Variants in FGD5 observed in about 807,000 individuals in gnomAD.
FGD5 encodes FYVE, RhoGEF and PH domain-containing protein 5.
In FGD5, 28 loss-of-function variants were observed where a neutral mutation model predicts 133.4. The observed-to-expected ratio is 0.21, with a 90% CI of 0.16 to 0.29. FGD5 has a LOEUF of 0.29. Ranked by LOEUF, FGD5 falls within the 10% of genes least tolerant of loss-of-function variation. The probability of loss-of-function intolerance (pLI) is 1.00; values close to 1 mark genes in which losing one functional copy is unlikely to be tolerated. For synonymous variants in FGD5, 810 were observed against 776.5 expected, an observed-to-expected ratio of 1.04 and a Z score of -0.72; for missense variants, 1,858 against 1,895.2, an observed-to-expected ratio of 0.98 and a Z score of 0.36.
chr3:14,880,739 C>T lies in FGD5; in HGVS notation c.2718-3C>T, dbSNP rs1226156272. The T allele has an allele frequency of 1.2e-6, 2 of 1,614,022 alleles. No homozygotes were observed. Among genetic ancestry groups the T allele is most frequent in the Admixed American group, 3.3e-5 (2 of 60,030 alleles). On this transcript the variant is annotated splice_polypyrimidine_tract_variant and splice_region_variant and intron_variant, in intron 3 of 19. Transcript: ENST00000285046. ...GCAGCCTCAACCCTCTTTCCCTCTG[C>T]AGATACGTGGAGATGCTCCAGCACT...
Position 14,819,747 on chromosome 3 carries a change from C to G in FGD5, c.676C>G (p.Pro226Ala), listed in dbSNP as rs2036443637. The G allele has an allele frequency of 6.5e-7, 1 of 1,536,930 alleles. No homozygotes were observed. Among genetic ancestry groups the G allele is most frequent in the Admixed American group, 2.0e-5 (1 of 49,694 alleles). ...TGAGGAAGGCTGTGCCAGCACAGACCCAGCAGGGGCAGATGAGGGTTCGGG... is the reference window on the plus strand; with the variant it reads ...TGAGGAAGGCTGTGCCAGCACAGACGCAGCAGGGGCAGATGAGGGTTCGGG... ...DDEEGCASTD[P>A]AGADEGSGPD... Residue 226 changes from proline (P) to alanine (A), a missense_variant, in exon 1 of 20, where the codon CCA (proline) becomes GCA (alanine). Pro to Ala is a conservative substitution (Grantham distance 27, BLOSUM62 -1). This residue lies in a region of FGD5 where 1,824 missense variants were observed against 1,848.9 expected (regional missense o/e 0.99). Transcript: ENST00000285046. This position sits in a 1 kb window ranked among gnomAD's most constrained non-coding sequence, Gnocchi z 4.1.
chr3:14,811,014 C>A, intron 1 of FGD5: 2 of 670,120 alleles, frequency 3.0e-6, no homozygotes, highest in East Asian at 1.4e-4. Context: ...AAAGCATGCG[C>A]GGCTCCGGGG....
intron 17 of FGD5, among the ~76,000 whole-genome samples, chr3:14,924,348 C>T (rs1176731552): frequency 6.6e-6 from 1 of 152,108 alleles, no homozygotes; most frequent in African/African-American, 2.4e-5. Context: ...CTACCTCTCC[C>T]CTCCTCCTCT....
Position 14,934,277 on chromosome 3 carries a change from C to T in FGD5, c.*1110C>T, listed in dbSNP as rs1157859183. 2 of 152,146 alleles carry T rather than the reference C, an allele frequency of 1.3e-5. No individual in the cohort carries two copies. Among genetic ancestry groups the T allele is most frequent in the African/African-American group, 4.8e-5 (2 of 41,440 alleles). 9.4% of individuals were successfully genotyped at this position (152,146 alleles called of 1,614,324 possible). A position where few individuals can be genotyped will look rare whatever the true frequency, so the allele number is the denominator to read the frequency against. ...ATGGGCACTTGGGGCTAAATCGCCTCCTGAGGGTGACTGTTGCTTATTCTG... is the reference window on the plus strand; with the variant it reads ...ATGGGCACTTGGGGCTAAATCGCCTTCTGAGGGTGACTGTTGCTTATTCTG... On this transcript the variant is annotated 3_prime_UTR_variant, in exon 20 of 20. Coordinates refer to ENST00000285046, the MANE Select transcript of FGD5 (RefSeq NM_152536.4).
intron 9 of FGD5, among the ~76,000 whole-genome samples, chr3:14,906,824 C>G (rs1243365233): frequency 6.6e-6 from 1 of 152,232 alleles, no homozygotes; most frequent in African/African-American, 2.4e-5. Flanking sequence ...ACCCAGTTCA[C>G]TCGGTTGCCT....
chr3:14,890,539 C>T (rs889451973), intron 4 of FGD5, among the ~76,000 whole-genome samples: 7 of 152,288 alleles, frequency 4.6e-5, no homozygotes, highest in African/African-American at 1.2e-4. Context: ...ATGATGGGCC[C>T]AAGTTGATGA....
At chr3:14,858,378 G>GATGA (rs2037329066) in intron 1 of FGD5, among the ~76,000 whole-genome samples, 1 of 151,922 alleles carries the variant, frequency 6.6e-6, no homozygotes, top group Non-Finnish European at 1.5e-5. Flanking sequence ...TGGATGGATG[G>GATGA]ATGGATGGAT....
intron 9 of FGD5, among the ~76,000 whole-genome samples, chr3:14,901,362 G>A (rs147598018): frequency 2.6e-5 from 4 of 152,342 alleles, no homozygotes; most frequent in East Asian, 3.9e-4. Flanking sequence ...CTGGGCACAC[G>A]TTGGATCCTC....
At chr3:14,889,160 A>G (rs1992003) in intron 4 of FGD5, among the ~76,000 whole-genome samples, 106,989 of 152,026 alleles carry the variant, frequency 0.7, 37,770 homozygotes, top group Non-Finnish European at 0.73. Context: ...GAGGTGAAAA[A>G]AATGGGGAGC....
At chr3:14,926,020 C>T in intron 17 of FGD5, 50 bp from the exon 18 acceptor site, 3 of 1,606,788 alleles carry the variant, frequency 1.9e-6, no homozygotes, top group Non-Finnish European at 1.7e-6. Context: ...TCTGTTTGAA[C>T]TGTGCCTGAC....
rs141881582 is a variant in FGD5 at position 14,831,055 on chromosome 3, G to A, written c.2525+9459G>A. ...GGCTTCTCTGAAGAGGTGAACTTGA[G>A]TGAAACGTGAAGGATGATCAGACAT... is the stretch of plus-strand genomic sequence containing the variant. On this transcript the variant is annotated intron_variant, in intron 1 of 19. Transcript: ENST00000285046. Among the ~76,000 whole-genome samples, 38 of 152,330 alleles carry A rather than the reference G, an allele frequency of 2.5e-4. 1 individual carries two copies. The highest frequency in any genetic ancestry group is 8.9e-4 in the African/African-American group (37 of 41,566).
intron 11 of FGD5, among the ~76,000 whole-genome samples, chr3:14,916,960 T>G (rs1328291753): frequency 6.6e-6 from 1 of 152,234 alleles, no homozygotes; most frequent in Non-Finnish European, 1.5e-5. Context: ...CACCTGCAGA[T>G]AGACATTGGA....
intron 11 of FGD5, among the ~76,000 whole-genome samples, chr3:14,912,817 A>AC (rs1265622983): frequency 7.2e-5 from 11 of 152,164 alleles, no homozygotes; most frequent in Admixed American, 3.9e-4. Context: ...CAGGCGGGTC[A>AC]CAAGGTCTGG....
chr3:14,904,395 A>G (rs1038002641), intron 9 of FGD5, among the ~76,000 whole-genome samples: 1 of 152,104 alleles, frequency 6.6e-6, no homozygotes, highest in African/African-American at 2.4e-5. Flanking sequence ...TTATAATCCA[A>G]CACTTCCTTA....
rs375934490 is a variant in FGD5, at chr3:14,932,596, G to A, written c.4217G>A (p.Ser1406Asn). ...MASEDKVALE[S>N]MPLLGFTIAP... Reference sequence around the variant, plus strand: ...CTGCAGGACAAAGTGGCCTTGGAGAGTATGCCTCTGCTAGGCTTCACCATT... The same window carrying A: ...CTGCAGGACAAAGTGGCCTTGGAGAATATGCCTCTGCTAGGCTTCACCATT... Residue 1406 changes from serine (S) to asparagine (N), a missense_variant, in exon 19 of 20, where the codon AGT (serine) becomes AAT (asparagine). Ser to Asn is a conservative substitution (Grantham distance 46). Around this residue, in one of 3 missense-constraint regions of FGD5, gnomAD observed 1,824 missense variants for 1,848.9 expected, o/e 0.99. Transcript: ENST00000285046. 3 of 1,613,804 alleles carry A rather than the reference G, an allele frequency of 1.9e-6. No homozygotes were observed. Among genetic ancestry groups the A allele is most frequent in the Non-Finnish European group, 8.5e-7 (1 of 1,179,772 alleles).
At chr3:14,815,741 A>C (rs1361192154), upstream of FGD5, among the ~76,000 whole-genome samples, 2 of 152,122 alleles carry the variant, frequency 1.3e-5, no homozygotes. Flanking sequence ...GCTTCACCAG[A>C]TGCTGGGACC....
intron 1 of FGD5, among the ~76,000 whole-genome samples, chr3:14,835,957 G>A (rs1030812500): frequency 6.6e-6 from 1 of 152,234 alleles, no homozygotes; most frequent in Non-Finnish European, 1.5e-5. Flanking sequence ...GCCTCTGAAA[G>A]ACTGAGGGTC....
intron 4 of FGD5, among the ~76,000 whole-genome samples, chr3:14,894,522 T>TA (rs2038095320): frequency 1.0e-5 from 1 of 97,908 alleles, no homozygotes; most frequent in African/African-American, 3.9e-5. Context: ...TTTTTTTTTT[T>TA]TTTCCTTTTT....
In FGD5 at chr3:14,923,089, A is replaced by C. The variant is rs1168454373; in HGVS notation, c.3851A>C (p.Tyr1284Ser). Reference protein sequence around the residue: ...NCSRNKYPLKYLKDRMAKVCD... With the variant: ...NCSRNKYPLKSLKDRMAKVCD... Reference sequence around the variant, plus strand: ...TCGCGGAACAAGTACCCGCTGAAGTACCTGAAGGACAGGATGGCCAAGGTC... The same window carrying C: ...TCGCGGAACAAGTACCCGCTGAAGTCCCTGAAGGACAGGATGGCCAAGGTC... Residue 1284 changes from tyrosine to serine, a missense_variant, in exon 16 of 20, where the codon TAC becomes TCC. By Grantham distance (144) the Tyr-to-Ser change is moderately radical (BLOSUM62 -2). This residue lies in a region of FGD5 where 1,824 missense variants were observed against 1,848.9 expected (regional missense o/e 0.99). Coordinates refer to ENST00000285046, the MANE Select transcript of FGD5 (RefSeq NM_152536.4). 6.2e-7 allele frequency: 1 copy of C among 1,613,864 alleles called. No individual in the cohort carries two copies. Among genetic ancestry groups the C allele is most frequent in the South Asian group, 1.1e-5 (1 of 91,066 alleles).
Sources: allele counts gnomAD v4.1 joint callset (sites outside exome capture counted in the v4.1 genomes callset), GRCh38; gene constraint gnomAD v4.1.1; regional missense constraint gnomAD v4.1.1; non-coding constraint Gnocchi (gnomAD v3.1); transcripts MANE v1.5; gene names NCBI Gene and HGNC (gene_info 2026-07-23, HGNC 2026-07-21).